THSD4: variants seen among roughly 807,000 people sequenced by gnomAD.
THSD4 encodes the protein thrombospondin type-1 domain-containing protein 4.
THSD4 carries 69 observed loss-of-function variants against 119.0 expected under a neutral mutation model. The observed-to-expected ratio is 0.58, with a 90% CI of 0.48 to 0.71. The LOEUF is 0.71. Ranked by LOEUF, THSD4 falls within the 30% of genes least tolerant of loss-of-function variation. The pLI, the probability that THSD4 is intolerant of heterozygous loss-of-function variation, is 0.00. For missense variants in THSD4, 1,393 were observed against 1,391.1 expected (o/e 1.00, Z -0.02); for synonymous variants, 524 against 540.4 (o/e 0.97, Z 0.42).
At chr15:71,441,625 C>T (rs1164231665) in intron 7 of THSD4, among the ~76,000 whole-genome samples, 2 of 151,906 alleles carry the variant, frequency 1.3e-5, no homozygotes, top group African/African-American at 2.4e-5. Flanking sequence ...GAACTGCTGA[C>T]CTCGTAATCT....
intron 7 of THSD4, among the ~76,000 whole-genome samples, chr15:71,607,587 C>G (rs1158823649): frequency 6.6e-6 from 1 of 152,152 alleles, no homozygotes; most frequent in Non-Finnish European, 1.5e-5. Context: ...GGAGGGTGCT[C>G]AGGAAAGCAC....
At chr15:71,588,245 G>A (rs1239195863) in intron 7 of THSD4, among the ~76,000 whole-genome samples, 2 of 148,636 alleles carry the variant, frequency 1.3e-5, no homozygotes, top group Non-Finnish European at 3.0e-5. Flanking sequence ...GGCGGAGCTT[G>A]CAGTGAGCCG....
At chr15:71,101,936 A>T (rs2040255439) in intron 1 of THSD4, among the ~76,000 whole-genome samples, 1 of 151,430 alleles carries the variant, frequency 6.6e-6, no homozygotes, top group Non-Finnish European at 1.5e-5. Flanking sequence ...GTGGTCTTGA[A>T]CTCCTGAGCT....
In THSD4 at chr15:71,778,327, G is replaced by A. The variant is rs945441893; in HGVS notation, c.*953G>A. On this transcript the variant is annotated 3_prime_UTR_variant, in exon 18 of 18. Coordinates refer to ENST00000261862, the MANE Select transcript of THSD4 (RefSeq NM_024817.3). ...CCAAAGTTACAGATCCTAGTTACAG[G>A]ACTCTGCCAGCTTTGTTAAACTGTC... The A allele has an allele frequency of 6.6e-6, 1 of 152,226 alleles. No individual in the cohort carries two copies. Among genetic ancestry groups the A allele is most frequent in the Admixed American group, 6.5e-5 (1 of 15,288 alleles). The allele number at this position is 152,226 out of a possible 1,614,324, so 9.4% of individuals were successfully genotyped here.
chr15:71,702,706 A>G (rs2052316100), intron 8 of THSD4, among the ~76,000 whole-genome samples: 1 of 152,172 alleles, frequency 6.6e-6, no homozygotes, highest in East Asian at 1.9e-4. Context: ...CTTTGCACAG[A>G]CAGTTCTTTC....
intron 6 of THSD4, among the ~76,000 whole-genome samples, chr15:71,299,300 A>G (rs1265908032): frequency 1.3e-5 from 2 of 152,244 alleles, no homozygotes; most frequent in Non-Finnish European, 2.9e-5. Context: ...AAGCTGTGCT[A>G]GGAGAAAGGG....
At position 71,268,565 on chromosome 15, in the gene THSD4, A is replaced by G. The variant is rs188984465; in HGVS notation, c.1015+11850A>G. ...AAAAGAGCTAGAGAAGCAAGAGGAA[A>G]CAAATTCAAAAGCTAGCAGAAGACA... is the stretch of plus-strand genomic sequence containing the variant. On this transcript the variant is annotated intron_variant, in intron 6 of 17. Coordinates refer to ENST00000261862, the MANE Select transcript of THSD4 (RefSeq NM_024817.3). Among the ~76,000 whole-genome samples, 3 of 152,296 alleles carry G rather than the reference A, an allele frequency of 2.0e-5. No individual in the cohort carries two copies. The East Asian group carries it at 5.8e-4, about 29-fold the overall frequency.
At chr15:71,168,654 G>T (rs1044958463) in intron 3 of THSD4, among the ~76,000 whole-genome samples, 1 of 152,264 alleles carries the variant, frequency 6.6e-6, no homozygotes, top group East Asian at 1.9e-4. Context: ...AGCAGGTCAC[G>T]ATGCAAACAG....
chr15:71,624,685 T>G (rs1255121003), intron 7 of THSD4, among the ~76,000 whole-genome samples: 2 of 152,190 alleles, frequency 1.3e-5, no homozygotes, highest in Non-Finnish European at 2.9e-5. Flanking sequence ...GGCTTTTTGC[T>G]TCAGTCTAAA....
chr15:71,168,803 A>G (rs181119751), intron 3 of THSD4, among the ~76,000 whole-genome samples: 1 of 152,332 alleles, frequency 6.6e-6, no homozygotes, highest in African/African-American at 2.4e-5. Flanking sequence ...ATTTTAGGCT[A>G]CATAAAACTC....
chr15:71,672,781 G>A (rs1044903052), intron 8 of THSD4, among the ~76,000 whole-genome samples: 9 of 152,134 alleles, frequency 5.9e-5, no homozygotes, highest in South Asian at 2.1e-4. Context: ...TTTATGTGAC[G>A]GATTATGTTT....
At chr15:71,439,710 G>A (rs1165355758) in intron 7 of THSD4, among the ~76,000 whole-genome samples, 1 of 152,156 alleles carries the variant, frequency 6.6e-6, no homozygotes, top group Admixed American at 6.5e-5. Flanking sequence ...CATGTCCTTT[G>A]CAGGGACATG....
intron 1 of THSD4, among the ~76,000 whole-genome samples, chr15:71,117,365 C>G (rs1224499853): frequency 1.3e-5 from 2 of 152,094 alleles, no homozygotes; most frequent in African/African-American, 4.8e-5. Flanking sequence ...CCTCGAAAAA[C>G]TTGTGGAGAT....
chr15:71,439,401 C>G (rs933693851), intron 7 of THSD4, among the ~76,000 whole-genome samples: 1 of 152,288 alleles, frequency 6.6e-6, no homozygotes, highest in Non-Finnish European at 1.5e-5. Flanking sequence ...AATAGGAACA[C>G]TTTTACACTG....
At chr15:71,388,160 T>G (rs2046317919) in intron 6 of THSD4, among the ~76,000 whole-genome samples, 1 of 152,248 alleles carries the variant, frequency 6.6e-6, no homozygotes, top group South Asian at 2.1e-4. Flanking sequence ...ATCCCTTGAA[T>G]TCATCCAGAA....
At chr15:71,635,285 C>A (rs1227277693) in intron 7 of THSD4, among the ~76,000 whole-genome samples, 2 of 152,050 alleles carry the variant, frequency 1.3e-5, no homozygotes, top group Non-Finnish European at 2.9e-5. Context: ...GAAAAAGCTT[C>A]TTAGACAAAA....
intron 6 of THSD4, among the ~76,000 whole-genome samples, chr15:71,373,510 C>A (rs1000150988): frequency 6.6e-6 from 1 of 152,172 alleles, no homozygotes; most frequent in Non-Finnish European, 1.5e-5. Flanking sequence ...ACTCAAATAG[C>A]AAATCATCAT....
At chr15:71,675,886 C>T (rs2051636494) in intron 8 of THSD4, among the ~76,000 whole-genome samples, 1 of 152,156 alleles carries the variant, frequency 6.6e-6, no homozygotes, top group East Asian at 1.9e-4. Context: ...TTCTCACTTC[C>T]CAGCCACTGG....
At position 71,323,205 on chromosome 15, in the gene THSD4, G is replaced by A. The variant is rs531708921; in HGVS notation, c.1015+66490G>A. ...TTCTCTATTGGTTACACAGACTAGT[G>A]CAGATTCAGTATGTGAGGAGACCAC... On this transcript the variant is annotated intron_variant, in intron 6 of 17. Coordinates refer to ENST00000261862, the MANE Select transcript of THSD4 (RefSeq NM_024817.3). Among the ~76,000 whole-genome samples, 14 of 151,980 alleles carry A rather than the reference G, an allele frequency of 9.2e-5. 1 individual carries two copies. The East Asian group carries it at 2.7e-3, about 29-fold the overall frequency.
Sources: gnomAD v4.1 joint callset for allele counts (sites outside exome capture counted in the v4.1 genomes callset) on GRCh38, gnomAD v4.1.1 for gene constraint, MANE v1.5 for transcripts, NCBI Gene and HGNC (gene_info 2026-07-23, HGNC 2026-07-21) for gene names.